MAP3K13: variants seen among roughly 807,000 people sequenced by gnomAD.
MAP3K13 encodes the protein leucine zipper-bearing kinase.
Under a neutral mutation model 104.0 loss-of-function variants are expected in MAP3K13, and 52 were observed. The observed-to-expected ratio is 0.50, with a 90% CI of 0.40 to 0.63. The LOEUF (loss-of-function observed/expected upper bound fraction) is 0.63. Ranked by LOEUF, MAP3K13 falls within the 20% of genes least tolerant of loss-of-function variation. The pLI is 0.00. For missense variants in MAP3K13, 914 were observed against 1,218.5 expected (o/e 0.75, Z 3.72); for synonymous variants, 394 against 442.2 (o/e 0.89, Z 1.37).
In MAP3K13 at chr3:185,484,788, T is replaced by C. The variant is rs376342825; in HGVS notation, c.*2332T>C. ...GGCATTATTATCATTGTTATTTTAT[T>C]TTATAATATTATCATTCTCATTTTC... On this transcript the variant is annotated 3_prime_UTR_variant, in exon 14 of 14. Coordinates refer to ENST00000265026, the MANE Select transcript of MAP3K13 (RefSeq NM_004721.5). 3 of 152,332 alleles carry C rather than the reference T, an allele frequency of 2.0e-5. No homozygotes were observed. The highest frequency in any genetic ancestry group is 3.9e-4 in the East Asian group (2 of 5,188). The allele number at this position is 152,332 out of a possible 1,614,324, so 9.4% of individuals were successfully genotyped here. A position where few individuals can be genotyped will look rare whatever the true frequency, so the allele number is the denominator to read the frequency against.
At chr3:185,353,944 T>C (rs1355722348) in intron 2 of MAP3K13, among the ~76,000 whole-genome samples, 1 of 152,028 alleles carries the variant, frequency 6.6e-6, no homozygotes, top group East Asian at 1.9e-4. Flanking sequence ...AAAGACTTAA[T>C]TCAAGCTCTG....
intron 2 of MAP3K13, among the ~76,000 whole-genome samples, chr3:185,341,742 G>C (rs1185812822): frequency 6.6e-6 from 1 of 152,130 alleles, no homozygotes; most frequent in East Asian, 1.9e-4. Flanking sequence ...TTGGAGACCA[G>C]GTCAGAGATT....
chr3:185,415,577 CTTTTTTT>C (rs869297992), intron 1 of MAP3K13, among the ~76,000 whole-genome samples: 5 of 72,994 alleles, frequency 6.8e-5, no homozygotes, highest in Non-Finnish European at 9.9e-5. Context: ...GGGTTAATTT[CTTTTTTT>C]TTTTTTTTTT....
intron 2 of MAP3K13, chr3:185,291,644 C>G: frequency 6.5e-7 from 1 of 1,532,062 alleles, no homozygotes; most frequent in Non-Finnish European, 8.7e-7. Context: ...AGACCATGGC[C>G]TATCATCATT....
chr3:185,288,782 A>G (rs1720629693), intron 2 of MAP3K13, among the ~76,000 whole-genome samples: 1 of 152,172 alleles, frequency 6.6e-6, no homozygotes, highest in Admixed American at 6.5e-5. Context: ...TATTATGTTA[A>G]CCATATCTTT....
chr3:185,374,755 C>T (rs1471214537), intron 1 of MAP3K13, among the ~76,000 whole-genome samples: 1 of 149,898 alleles, frequency 6.7e-6, no homozygotes, highest in African/African-American at 2.5e-5. Context: ...AACATAGAGT[C>T]CCCCTTTTTT....
intron 1 of MAP3K13, among the ~76,000 whole-genome samples, chr3:185,401,956 C>G (rs1015249496): frequency 6.6e-6 from 1 of 152,106 alleles, no homozygotes; most frequent in African/African-American, 2.4e-5. Context: ...GAAAATATAA[C>G]CTATAATTTT....
At chr3:185,330,527 G>A (rs984205047) in intron 2 of MAP3K13, among the ~76,000 whole-genome samples, 2 of 152,066 alleles carry the variant, frequency 1.3e-5, no homozygotes, top group African/African-American at 2.4e-5. Flanking sequence ...AGCTTCTGCT[G>A]GGCCAAGTTC....
rs6805407 is a variant in MAP3K13, at chr3:185,448,207, A to G, written c.1010+260A>G. ...AGAGAATATGCTGAACTTTCTAGGA[A>G]ACTGAAAGTTTACTTCAAATGATCA... On this transcript the variant is annotated intron_variant, in intron 5 of 13. Coordinates refer to ENST00000265026, the MANE Select transcript of MAP3K13 (RefSeq NM_004721.5). 1,739 of 529,810 alleles carry G rather than the reference A, an allele frequency of 3.3e-3. 23 individuals are homozygous for G. Among genetic ancestry groups the G allele is most frequent in the African/African-American group, 0.03 (1,592 of 53,088 alleles). The allele number at this position is 529,810 out of a possible 1,614,324, so 32.8% of individuals were successfully genotyped here. A position where few individuals can be genotyped will look rare whatever the true frequency, so the allele number is the denominator to read the frequency against.
At chr3:185,429,409 A>G (rs1391079587) in intron 2 of MAP3K13, among the ~76,000 whole-genome samples, 1 of 152,234 alleles carries the variant, frequency 6.6e-6, no homozygotes, top group Non-Finnish European at 1.5e-5. Flanking sequence ...ATATTTTAAT[A>G]TAGCTGTGCA....
At chr3:185,461,981 G>A (rs943544052) in intron 7 of MAP3K13, among the ~76,000 whole-genome samples, 12 of 152,118 alleles carry the variant, frequency 7.9e-5, no homozygotes, top group African/African-American at 2.9e-4. Flanking sequence ...CAGCTAACAT[G>A]GAAAACAATA....
At chr3:185,381,082 C>T (rs1168378716) in intron 1 of MAP3K13, among the ~76,000 whole-genome samples, 1 of 152,050 alleles carries the variant, frequency 6.6e-6, no homozygotes, top group African/African-American at 2.4e-5. Context: ...CCTGCCTCAG[C>T]CTCCCCAGTA....
At position 185,363,230 on chromosome 3, in the gene MAP3K13, C is replaced by T. The variant is rs1723719138; in HGVS notation, c.-224C>T. 1.0e-6 allele frequency: 1 copy of T among 985,386 alleles called. No individual in the cohort carries two copies. The highest frequency in any genetic ancestry group is 1.2e-6 in the Non-Finnish European group (1 of 829,942). 61.0% of individuals were successfully genotyped at this position (985,386 alleles called of 1,614,324 possible). ...GTGACGTCAGCAAGCCTTTGGGCTC[C>T]TTTGCGGTGGGCTGGAGGATTGTGT... On this transcript the variant is annotated 5_prime_UTR_variant, in exon 1 of 14. Coordinates refer to ENST00000265026, the MANE Select transcript of MAP3K13 (RefSeq NM_004721.5).
intron 13 of MAP3K13, 44 bp downstream of exon 13, chr3:185,480,573 G>C: frequency 1.3e-6 from 2 of 1,583,156 alleles, no homozygotes; most frequent in Non-Finnish European, 1.7e-6. Context: ...TCCCTTTTTT[G>C]CTCTTTGGGG....
chr3:185,287,988 G>A (rs1338410433), intron 2 of MAP3K13, among the ~76,000 whole-genome samples: 1 of 152,198 alleles, frequency 6.6e-6, no homozygotes. Context: ...TGTGAGCCAA[G>A]ATCGCGCCAT....
chr3:185,288,102 T>C (rs1030666773), intron 2 of MAP3K13, among the ~76,000 whole-genome samples: 1 of 152,200 alleles, frequency 6.6e-6, no homozygotes, highest in African/African-American at 2.4e-5. Context: ...ACTATCATCA[T>C]GAAGGGGAAA....
chr3:185,325,652 TC>T (rs1722020858), intron 2 of MAP3K13, among the ~76,000 whole-genome samples: 1 of 152,208 alleles, frequency 6.6e-6, no homozygotes, highest in African/African-American at 2.4e-5. Flanking sequence ...TGAAGGGGAT[TC>T]TGGAACTTGA....
chr3:185,292,010 A>AG lies in MAP3K13; in HGVS notation c.-86+6368dup, dbSNP rs779947212. 6.8e-4 allele frequency: 683 copies of AG among 1,007,772 alleles called. 1 individual carries two copies. Among genetic ancestry groups the AG allele is most frequent in the Middle Eastern group, 1.9e-3 (4 of 2,058 alleles). 62.4% of individuals were successfully genotyped at this position (1,007,772 alleles called of 1,614,324 possible). A position where few individuals can be genotyped will look rare whatever the true frequency, so the allele number is the denominator to read the frequency against. ...AGGTCTTTTATCATATCCTATAAAAAGTTGAGTTAACAGGCTGGGCACGGT... is the reference window on the plus strand; with the variant it reads ...AGGTCTTTTATCATATCCTATAAAAAGGTTGAGTTAACAGGCTGGGCACGGT... On this transcript the variant is annotated intron_variant, in intron 2 of 14. Coordinates refer to the MAP3K13 transcript ENST00000424227.
At chr3:185,453,741 C>G (rs1347413051) in intron 7 of MAP3K13, among the ~76,000 whole-genome samples, 3 of 147,054 alleles carry the variant, frequency 2.0e-5, no homozygotes, top group Admixed American at 6.9e-5. Context: ...TGCACTCCAC[C>G]CTGGGGGACA....
Sources: gnomAD v4.1 joint callset for allele counts (sites outside exome capture counted in the v4.1 genomes callset) on GRCh38, gnomAD v4.1.1 for gene constraint, MANE v1.5 for transcripts, NCBI Gene and HGNC (gene_info 2026-07-23, HGNC 2026-07-21) for gene names.